The following HMCN1 variants were observed in gnomAD, a reference collection of about 807,000 sequenced individuals.
HMCN1 encodes the protein hemicentin-1.
In HMCN1, 321 loss-of-function variants were observed where a neutral mutation model predicts 625.9. The observed-to-expected ratio is 0.51, with a 90% CI of 0.47 to 0.56. The LOEUF (loss-of-function observed/expected upper bound fraction) is 0.56, where lower values mean the gene tolerates loss of function less well. HMCN1 is among the 20% of genes least tolerant of loss of function. The pLI, the probability that HMCN1 is intolerant of heterozygous loss-of-function variation, is 0.00. For synonymous variants in HMCN1, 2,425 were observed against 2,417.6 expected, an observed-to-expected ratio of 1.00 and a Z score of -0.09; for missense variants, 6,588 against 6,887.3, an observed-to-expected ratio of 0.96 and a Z score of 1.54.
rs1660732318 is a variant in HMCN1, at chr1:186,108,565, A to G, written c.10957A>G (p.Ile3653Val). 6.2e-7 allele frequency: 1 copy of G among 1,614,004 alleles called. No homozygotes were observed. Among genetic ancestry groups the G allele is most frequent in the Admixed American group, 1.7e-5 (1 of 59,984 alleles). Residue 3653 changes from isoleucine to valine, a missense_variant, in exon 71 of 107, where the codon ATT becomes GTT. Ile to Val is a conservative substitution (Grantham distance 29). Coordinates refer to ENST00000271588, the MANE Select transcript of HMCN1 (RefSeq NM_031935.3). ...GTCAGATGCAGTGCCCCCACCTGTA[A>G]TTACTTGGCTCAGAAATGGAGAACG... ...CKSDAVPPPVITWLRNGERLQ... is the reference protein window; with the variant it reads ...CKSDAVPPPVVTWLRNGERLQ...
At chr1:185,784,915 A>T (rs1657454180) in intron 1 of HMCN1, among the ~76,000 whole-genome samples, 1 of 152,186 alleles carries the variant, frequency 6.6e-6, no homozygotes, top group Non-Finnish European at 1.5e-5. Flanking sequence ...TTGTTCTGAT[A>T]TCTGTCGTGG....
At chr1:186,151,850 G>A (rs80159306) in intron 95 of HMCN1, 107 bp downstream of exon 95, 60,004 of 1,181,892 alleles carry the variant, frequency 0.051, 1,873 homozygotes, top group Non-Finnish European at 0.06. Context: ...AACTTTTTAC[G>A]CAATCTTATA....
At chr1:185,868,320 A>G (rs1025119134) in intron 4 of HMCN1, among the ~76,000 whole-genome samples, 1 of 152,168 alleles carries the variant, frequency 6.6e-6, no homozygotes, top group African/African-American at 2.4e-5. Flanking sequence ...ATTAAATGGC[A>G]TGTGATATTG....
chr1:185,778,558 A>G (rs1656795901), intron 1 of HMCN1, among the ~76,000 whole-genome samples: 1 of 129,026 alleles, frequency 7.8e-6, no homozygotes. Context: ...AAGTGTTCTC[A>G]TTGTTCAATT....
Position 185,965,929 on chromosome 1 carries a change from A to G in HMCN1, c.2212+14A>G, listed in dbSNP as rs1354332773. The G allele has an allele frequency of 1.3e-5, 17 of 1,336,958 alleles. No individual in the cohort carries two copies. Among genetic ancestry groups the G allele is most frequent in the Admixed American group, 1.7e-5 (1 of 59,610 alleles). 82.8% of individuals were successfully genotyped at this position (1,336,958 alleles called of 1,614,324 possible). A position where few individuals can be genotyped will look rare whatever the true frequency, so the allele number is the denominator to read the frequency against. On this transcript the variant is annotated intron_variant, in intron 14 of 106. Coordinates refer to ENST00000271588, the MANE Select transcript of HMCN1 (RefSeq NM_031935.3). ...AATGGTTCAAAGGTACATTTCTTCA[A>G]TATGTTTGTGTCTGGTTCACTTAGT...
intron 93 of HMCN1, among the ~76,000 whole-genome samples, chr1:186,146,820 C>A (rs1391934302): frequency 6.6e-6 from 1 of 152,108 alleles, no homozygotes; most frequent in Non-Finnish European, 1.5e-5. Flanking sequence ...GCCCCAGTGG[C>A]ATCAGGAGGT....
chr1:185,758,284 G>A (rs1391821951), intron 1 of HMCN1, among the ~76,000 whole-genome samples: 1 of 152,170 alleles, frequency 6.6e-6, no homozygotes, highest in Non-Finnish European at 1.5e-5. Flanking sequence ...CTTTATAGTG[G>A]ATGTCCTTTT....
chr1:185,980,871 C>A, intron 16 of HMCN1, 107 bp from the exon 17 acceptor site: 1 of 789,482 alleles, frequency 1.3e-6, no homozygotes, highest in Non-Finnish European at 2.3e-6. Context: ...CCTTCTTCAA[C>A]CAGAAGGCAG....
intron 10 of HMCN1, among the ~76,000 whole-genome samples, chr1:185,929,761 T>C (rs1050706565): frequency 4.6e-5 from 7 of 152,198 alleles, no homozygotes; most frequent in Non-Finnish European, 1.0e-4. Context: ...CAGACAAGCA[T>C]GTTCTTGCAG....
chr1:186,131,042 A>G (rs1439962132), intron 85 of HMCN1, among the ~76,000 whole-genome samples: 1 of 152,174 alleles, frequency 6.6e-6, no homozygotes, highest in Non-Finnish European at 1.5e-5. Flanking sequence ...TGATAACTAT[A>G]TTAGGCTTTT....
intron 12 of HMCN1, among the ~76,000 whole-genome samples, 182 bp from the exon 13 acceptor site, chr1:185,963,586 A>G (rs913997189): frequency 1.3e-5 from 2 of 152,058 alleles, no homozygotes; most frequent in Admixed American, 6.6e-5. Flanking sequence ...TATTGGATAC[A>G]TGATATTATT....
chr1:186,139,025 C>G (rs1649794822), intron 89 of HMCN1, among the ~76,000 whole-genome samples: 1 of 152,136 alleles, frequency 6.6e-6, no homozygotes, highest in Non-Finnish European at 1.5e-5. Context: ...AACTCAGAGA[C>G]TTGAAATGAT....
chr1:185,891,679 C>T lies in HMCN1; in HGVS notation c.622-17658C>T, dbSNP rs541714266. ...CTTGTAGAGTTTCTGCCGAGAGATCCGCTGTTAGTCTGATGGGCTTCCCTT... is the reference window on the plus strand; with the variant it reads ...CTTGTAGAGTTTCTGCCGAGAGATCTGCTGTTAGTCTGATGGGCTTCCCTT... On this transcript the variant is annotated intron_variant, in intron 4 of 106. Coordinates refer to ENST00000271588, the MANE Select transcript of HMCN1 (RefSeq NM_031935.3). 4.3e-4 allele frequency among the ~76,000 whole-genome samples: 64 copies of T among 148,024 alleles called. 4 individuals are homozygous for T. The highest frequency in any genetic ancestry group is 8.8e-4 in the African/African-American group (33 of 37,514).
intron 11 of HMCN1, among the ~76,000 whole-genome samples, chr1:185,955,089 C>T (rs1649526160): frequency 6.6e-6 from 1 of 152,116 alleles, no homozygotes; most frequent in African/African-American, 2.4e-5. Context: ...TCCTCATAGC[C>T]ACTGACACCA....
intron 7 of HMCN1, 147 bp downstream of exon 7, chr1:185,922,646 C>A: frequency 1.3e-6 from 1 of 756,014 alleles, no homozygotes; most frequent in South Asian, 1.6e-5. Context: ...GGCCTAATCA[C>A]TTTCTCAAAG....
intron 81 of HMCN1, among the ~76,000 whole-genome samples, chr1:186,124,035 C>A (rs564008350): frequency 6.6e-6 from 1 of 152,192 alleles, no homozygotes; most frequent in South Asian, 2.1e-4. Flanking sequence ...AACTCCCCTG[C>A]TTTCAGTTAA....
At chr1:186,050,175 G>A (rs945620642) in intron 42 of HMCN1, among the ~76,000 whole-genome samples, 4 of 151,444 alleles carry the variant, frequency 2.6e-5, no homozygotes, top group Admixed American at 2.6e-4. Flanking sequence ...AGAAAAAAAA[G>A]AGAGAAAAAA....
At position 185,737,013 on chromosome 1, in the gene HMCN1, GAA is replaced by G. The variant is rs1349292697; in HGVS notation, c.268+1968_268+1969del. On this transcript the variant is annotated intron_variant, in intron 1 of 106. Coordinates refer to ENST00000271588, the MANE Select transcript of HMCN1 (RefSeq NM_031935.3). ...TAAAATATTTTTGAAAATAAAGAGA[GAA>G]ATTGAAGTTTAAACATACTGTTAAC... 2.6e-5 allele frequency among the ~76,000 whole-genome samples: 4 copies of G among 152,096 alleles called. No homozygotes were observed. In the East Asian group the frequency reaches 7.7e-4, roughly 29 times the overall value.
rs748212924 is a variant in HMCN1 at position 186,106,909 on chromosome 1, G to T, written c.10796G>T (p.Cys3599Phe). ...AQVEDTGRYTCLASSPAGDDD... is the reference protein window; with the variant it reads ...AQVEDTGRYTFLASSPAGDDD... The stretch of plus-strand genomic sequence containing the variant: ...GTGGAGGATACAGGAAGATATACAT[G>T]TCTGGCATCCAGTCCTGCAGGAGAT... Residue 3599 changes from cysteine (C) to phenylalanine (F), a missense_variant, in exon 70 of 107, where the codon TGT becomes TTT. Physicochemically the swap from Cys to Phe is radical, Grantham distance 205. Around this residue, in one of 3 missense-constraint regions of HMCN1, gnomAD observed 4,628 missense variants for 4,853.1 expected, o/e 0.95. Transcript: ENST00000271588. The T allele has an allele frequency of 6.2e-7, 1 of 1,612,254 alleles. No homozygotes were observed. Among genetic ancestry groups the T allele is most frequent in the East Asian group, 2.2e-5 (1 of 44,852 alleles).
Sources: allele counts gnomAD v4.1 joint callset (sites outside exome capture counted in the v4.1 genomes callset), GRCh38; gene constraint gnomAD v4.1.1; regional missense constraint gnomAD v4.1.1; transcripts MANE v1.5; gene names NCBI Gene and HGNC (gene_info 2026-07-23, HGNC 2026-07-21).